The following SFTPC variants were observed in gnomAD, a reference collection of about 807,000 sequenced individuals.
SFTPC encodes BRICHOS domain containing 6.
A neutral mutation model predicts 19.9 loss-of-function variants in SFTPC; 12 were observed. The ratio of observed to expected loss-of-function variants is 0.60; its 90% CI spans 0.39 to 0.98. The LOEUF (loss-of-function observed/expected upper bound fraction) is 0.98. Ranked by LOEUF, SFTPC falls within the 50% of genes least tolerant of loss-of-function variation. The pLI is 0.00. For missense variants in SFTPC, 219 were observed against 252.2 expected (o/e 0.87, Z 0.89); for synonymous variants, 123 against 103.3 (o/e 1.19, Z -1.16).
chr8:22,164,292 G>A lies in SFTPC; in HGVS notation c.*45G>A, dbSNP rs1426536234. On this transcript the variant is annotated 3_prime_UTR_variant, in exon 6 of 6. Transcript: ENST00000679463. Reference sequence around the variant, plus strand: ...GTCAGTGGAAGCCCCAACGGGAAAGGAAACGCCCCGGGCAAAGGGTCTTTT... The same window carrying A: ...GTCAGTGGAAGCCCCAACGGGAAAGAAAACGCCCCGGGCAAAGGGTCTTTT... 2 of 1,536,206 alleles carry A rather than the reference G, an allele frequency of 1.3e-6. No homozygotes were observed. Among genetic ancestry groups the A allele is most frequent in the East Asian group, 2.4e-5 (1 of 40,926 alleles).
At position 22,164,319 on chromosome 8, in the gene SFTPC, C is replaced by G; in HGVS notation, c.*72C>G. ...AACGCCCCGGGCAAAGGGTCTTTTGCAGCTTTTGCAGACGGGCAAGAAGCT... is the reference window on the plus strand; with the variant it reads ...AACGCCCCGGGCAAAGGGTCTTTTGGAGCTTTTGCAGACGGGCAAGAAGCT... On this transcript the variant is annotated 3_prime_UTR_variant, in exon 6 of 6. Transcript: ENST00000679463. 3.3e-6 allele frequency: 5 copies of G among 1,536,170 alleles called. No homozygotes were observed. The highest frequency in any genetic ancestry group is 4.4e-6 in the Non-Finnish European group (5 of 1,146,912).
At chr8:22,158,325 G>GA (rs1827578573), upstream of SFTPC, among the ~76,000 whole-genome samples, 1 of 152,234 alleles carries the variant, frequency 6.6e-6, no homozygotes, top group Admixed American at 6.5e-5. Context: ...CCAGCTTGGG[G>GA]GGAGGGAAGC....
upstream of SFTPC, among the ~76,000 whole-genome samples, chr8:22,160,805 T>C (rs1372455723): frequency 6.6e-6 from 1 of 151,996 alleles, no homozygotes; most frequent in Non-Finnish European, 1.5e-5. Flanking sequence ...CGTAAATACA[T>C]AGAGATGGCT....
At chr8:22,164,202 C>T in intron 5 of SFTPC, 64 bp from the exon 6 acceptor site, 1 of 1,529,938 alleles carries the variant, frequency 6.5e-7, no homozygotes, top group Non-Finnish European at 8.7e-7. Flanking sequence ...GGGAAGCTCA[C>T]AGACCGGTAC....
At chr8:22,163,321 G>C (rs1306461752) in intron 3 of SFTPC, 115 bp from the exon 4 acceptor site, 36 of 1,542,276 alleles carry the variant, frequency 2.3e-5, no homozygotes, top group Non-Finnish European at 3.1e-5. Context: ...TTTTGCCTGA[G>C]CCCCAGATTC....
chr8:22,163,466 A>G lies in SFTPC; in HGVS notation c.355A>G (p.Thr119Ala). 6.2e-7 allele frequency: 1 copy of G among 1,614,086 alleles called. No homozygotes were observed. Among genetic ancestry groups the G allele is most frequent in the Non-Finnish European group, 8.5e-7 (1 of 1,180,008 alleles). ...GATCGCCTACAAGCCAGCCCCTGGC[A>G]CCTGCTGCTACATCATGAAGATAGC... ...LLIAYKPAPG[T>A]CCYIMKIAPE... Residue 119 changes from threonine (T) to alanine (A), a missense_variant, in exon 4 of 6, where the codon ACC (threonine) becomes GCC (alanine). Physicochemically the swap from Thr to Ala is moderately conservative, Grantham distance 58. Transcript: ENST00000679463.
chr8:22,164,296 C>A lies in SFTPC; in HGVS notation c.*49C>A. On this transcript the variant is annotated 3_prime_UTR_variant, in exon 6 of 6. Coordinates refer to ENST00000679463, the MANE Select transcript of SFTPC (RefSeq NM_001317778.2). Reference sequence around the variant, plus strand: ...GTGGAAGCCCCAACGGGAAAGGAAACGCCCCGGGCAAAGGGTCTTTTGCAG... The same window carrying A: ...GTGGAAGCCCCAACGGGAAAGGAAAAGCCCCGGGCAAAGGGTCTTTTGCAG... 6.5e-7 allele frequency: 1 copy of A among 1,536,180 alleles called. No homozygotes were observed. The highest frequency in any genetic ancestry group is 8.7e-7 in the Non-Finnish European group (1 of 1,146,920).
Position 22,163,120 on chromosome 8 carries a change from G to A in SFTPC, c.242G>A (p.Arg81His), listed in dbSNP as rs766383484. ...ATTGGGGCGCCGGAAGCCCAGCAAC[G>A]CCTGGCCCTGAGTGAGCACCTGGTT... is the stretch of plus-strand genomic sequence containing the variant. ...MSIGAPEAQQ[R>H]LALSEHLVTT... The change falls in exon 3 of 6, where the codon CGC (arginine) becomes CAC (histidine). Residue 81 changes from arginine (R) to histidine (H), a missense_variant. By Grantham distance (29) the Arg-to-His change is conservative. Transcript: ENST00000679463. The A allele has an allele frequency of 4.6e-5, 74 of 1,614,136 alleles. No individual in the cohort carries two copies. The highest frequency in any genetic ancestry group is 1.6e-4 in the Middle Eastern group (1 of 6,062).
In SFTPC at chr8:22,163,106, G is replaced by C. The variant is rs75413490; in HGVS notation, c.228G>C (p.Pro76=). The C allele has an allele frequency of 4.7e-4, 754 of 1,614,144 alleles. 9 individuals carry two copies. The East Asian group carries it at 0.014, about 30-fold the overall frequency. Residue 76 remains proline (P), a synonymous_variant, in exon 3 of 6, where the codon CCG becomes CCC. Coordinates refer to ENST00000679463, the MANE Select transcript of SFTPC (RefSeq NM_001317778.2). ...EMVLEMSIGA[P]EAQQRLALSE... ...TTCTGGAGATGAGCATTGGGGCGCC[G>C]GAAGCCCAGCAACGCCTGGCCCTGA...
At chr8:22,157,637 G>A (rs545190081), upstream of SFTPC, 1 of 152,252 alleles carries the variant, frequency 6.6e-6, no homozygotes, top group Non-Finnish European at 1.5e-5. Context: ...AGCCCTGGGA[G>A]CCCGGGGGTC....
chr8:22,163,885 G>A lies in SFTPC; in HGVS notation c.436-16G>A. 6.2e-7 allele frequency: 1 copy of A among 1,608,538 alleles called. No individual in the cohort carries two copies. Among genetic ancestry groups the A allele is most frequent in the Non-Finnish European group, 8.5e-7 (1 of 1,175,100 alleles). The stretch of plus-strand genomic sequence containing the variant: ...GAAACTCACTTCCTACATTCCAGAT[G>A]GAATGCTCTCTGCAGGCCAAGCCCG... On this transcript the variant is annotated splice_polypyrimidine_tract_variant and intron_variant, in intron 4 of 5. Coordinates refer to ENST00000679463, the MANE Select transcript of SFTPC (RefSeq NM_001317778.2).
chr8:22,158,235 T>C (rs762381496), upstream of SFTPC, among the ~76,000 whole-genome samples: 22 of 152,206 alleles, frequency 1.4e-4, no homozygotes, highest in Non-Finnish European at 2.9e-4. Context: ...GGTCTGAGCT[T>C]AAGTTGTGTT....
Position 22,163,967 on chromosome 8 carries a change from T to A in SFTPC, c.502T>A (p.Ser168Thr), listed in dbSNP as rs546357906. The change falls in exon 5 of 6, where the codon TCC (serine) becomes ACC (threonine). Residue 168 changes from serine to threonine, a missense_variant. Ser to Thr is a moderately conservative substitution (Grantham distance 58, BLOSUM62 1). Transcript: ENST00000679463. ...GGGGCGAGATGCAGGCTCAGCACCC[T>A]CCGGAGGGGACCCGGCCTTCCTGGG... Reference protein sequence around the residue: ...AEGRDAGSAPSGGDPAFLGMA... With the variant: ...AEGRDAGSAPTGGDPAFLGMA... 1 of 1,613,164 alleles carries A rather than the reference T, an allele frequency of 6.2e-7. No individual in the cohort carries two copies. Among genetic ancestry groups the A allele is most frequent in the Admixed American group, 1.7e-5 (1 of 60,034 alleles).
upstream of SFTPC, among the ~76,000 whole-genome samples, chr8:22,158,049 C>T (rs1827566084): frequency 6.6e-6 from 1 of 152,196 alleles, no homozygotes; most frequent in Non-Finnish European, 1.5e-5. Context: ...GTTAGCTCCC[C>T]TGTGGCGGAG....
At position 22,163,519 on chromosome 8, in the gene SFTPC, T is replaced by C. The variant is rs1327505188; in HGVS notation, c.408T>C (p.Ala136=). Residue 136 remains alanine, a synonymous_variant, in exon 4 of 6, where the codon GCT becomes GCC. Transcript: ENST00000679463. ...CAGAGAGCATCCCCAGTCTTGAGGC[T>C]CTCACTAGAAAAGTCCACAACTTCC... ...IAPESIPSLE[A]LTRKVHNFQA... The C allele has an allele frequency of 6.2e-7, 1 of 1,613,596 alleles. No homozygotes were observed. Among genetic ancestry groups the C allele is most frequent in the South Asian group, 1.1e-5 (1 of 91,062 alleles).
chr8:22,157,537 A>G (rs2131801395), upstream of SFTPC: 1 of 152,942 alleles, frequency 6.5e-6, no homozygotes, highest in Non-Finnish European at 1.5e-5. Flanking sequence ...CTGTCGCACC[A>G]GAAGAAAAAG....
rs779136923 is a variant in SFTPC, at chr8:22,163,999, C to G, written c.534C>G (p.Ala178=). 6.2e-6 allele frequency: 10 copies of G among 1,612,414 alleles called. No individual in the cohort carries two copies. The highest frequency in any genetic ancestry group is 1.3e-5 in the African/African-American group (1 of 74,896). The part of the protein sequence containing the change: ...SGGDPAFLGM[A]VSTLCGEVPL... ...GGGACCCGGCCTTCCTGGGCATGGC[C>G]GTGAGCACCCTGTGTGGCGAGGTGC... Residue 178 remains alanine, a synonymous_variant, in exon 5 of 6, where the codon GCC becomes GCG. Transcript: ENST00000679463.
rs769328550 is a variant in SFTPC, at chr8:22,163,955, G to A, written c.490G>A (p.Gly164Ser). The A allele has an allele frequency of 1.2e-6, 2 of 1,613,572 alleles. No homozygotes were observed. The highest frequency in any genetic ancestry group is 1.7e-6 in the Non-Finnish European group (2 of 1,180,046). Residue 164 changes from glycine (G) to serine (S), a missense_variant, in exon 5 of 6, where the codon GGC becomes AGC. Physicochemically the swap from Gly to Ser is moderately conservative, Grantham distance 56 (BLOSUM62 0). Transcript: ENST00000679463. ...KLGQAEGRDA[G>S]SAPSGGDPAF... ...GGGCCAGGCAGAGGGGCGAGATGCAGGCTCAGCACCCTCCGGAGGGGACCC... is the reference window on the plus strand; with the variant it reads ...GGGCCAGGCAGAGGGGCGAGATGCAAGCTCAGCACCCTCCGGAGGGGACCC...
rs763844839 is a variant in SFTPC at position 22,162,751 on chromosome 8, A to G, written c.201+19A>G. The G allele has an allele frequency of 1.4e-5, 22 of 1,613,798 alleles. No homozygotes were observed. The highest frequency in any genetic ancestry group is 1.6e-4 in the Middle Eastern group (1 of 6,076). ...GGAGATGGTGAGAGGTGTGGGATGCACAGCAGTGGGCACAGGACATGCCAG... is the reference window on the plus strand; with the variant it reads ...GGAGATGGTGAGAGGTGTGGGATGCGCAGCAGTGGGCACAGGACATGCCAG... On this transcript the variant is annotated intron_variant, in intron 2 of 5. Transcript: ENST00000679463.
Sources: gnomAD v4.1 joint callset for allele counts (sites outside exome capture counted in the v4.1 genomes callset) on GRCh38, gnomAD v4.1.1 for gene constraint, MANE v1.5 for transcripts, NCBI Gene and HGNC (gene_info 2026-07-23, HGNC 2026-07-21) for gene names.